Variants in BLTP3A observed in about 807,000 individuals in gnomAD.
BLTP3A encodes the protein bridge-like lipid transfer protein family member 3A, also known as ICBP90 binding protein 1.
At chr6:34,829,735 A>C in the BLTP3A span, among the ~76,000 whole-genome samples, 1 of 151,942 alleles carries the variant, frequency 6.6e-6, no homozygotes, top group African/African-American at 2.4e-5. Flanking sequence ...CCCAGGTTCA[A>C]GCGATTCTCA....
the BLTP3A span, among the ~76,000 whole-genome samples, chr6:34,866,086 G>A: frequency 1.3e-5 from 2 of 152,138 alleles, no homozygotes; most frequent in South Asian, 2.1e-4. Context: ...TTAAACTTGT[G>A]ACTGGATTTC....
At chr6:34,844,248 C>A in the BLTP3A span, among the ~76,000 whole-genome samples, 2 of 151,920 alleles carry the variant, frequency 1.3e-5, no homozygotes, top group African/African-American at 4.8e-5. Flanking sequence ...TCCCAAAGTG[C>A]TGGGATTACA....
chr6:34,804,950 G>A, the BLTP3A span, among the ~76,000 whole-genome samples: 1 of 152,036 alleles, frequency 6.6e-6, no homozygotes. Flanking sequence ...ATAAAGTGGC[G>A]ATAATAGTAA....
the BLTP3A span, chr6:34,872,241 T>C: frequency 1.3e-6 from 2 of 1,525,954 alleles, no homozygotes; most frequent in South Asian, 2.6e-5. Flanking sequence ...TCTTCCTCCC[T>C]GTTCCCTTTA....
chr6:34,867,116 G>A, the BLTP3A span: 2 of 1,204,318 alleles, frequency 1.7e-6, no homozygotes, highest in East Asian at 2.7e-5. Context: ...GTTGTCTCAT[G>A]AATGTCATAA....
At chr6:34,850,037 G>C in the BLTP3A span, among the ~76,000 whole-genome samples, 4 of 152,052 alleles carry the variant, frequency 2.6e-5, no homozygotes, top group Non-Finnish European at 5.9e-5. Flanking sequence ...CAGCTACTCA[G>C]GAGGCTGAGG....
At chr6:34,792,945 C>A in the BLTP3A span, among the ~76,000 whole-genome samples, 1 of 152,210 alleles carries the variant, frequency 6.6e-6, no homozygotes, top group Non-Finnish European at 1.5e-5. Context: ...AGGGCCGTTC[C>A]TCTGGACTTC....
the BLTP3A span, chr6:34,870,954 C>T: frequency 1.6e-5 from 26 of 1,614,048 alleles, no homozygotes; most frequent in East Asian, 4.5e-5. Context: ...TTCATTCCCC[C>T]CTGGCCTCAC....
the BLTP3A span, among the ~76,000 whole-genome samples, chr6:34,824,060 G>T: frequency 1.3e-5 from 2 of 151,374 alleles, no homozygotes; most frequent in African/African-American, 4.9e-5. Context: ...CCCCACCTCA[G>T]TCTCCCAAGT....
the BLTP3A span, among the ~76,000 whole-genome samples, chr6:34,805,230 G>A: frequency 7.9e-5 from 12 of 152,044 alleles, no homozygotes; most frequent in Admixed American, 7.9e-4. Context: ...TCAGTGAACC[G>A]TGACTGTGCC....
chr6:34,792,312 G>A, the BLTP3A span: 1 of 1,538,602 alleles, frequency 6.5e-7, no homozygotes, highest in Non-Finnish European at 8.8e-7. Context: ...CGCCAGCGCC[G>A]GCCCCCGGCG....
At chr6:34,871,090 C>T in the BLTP3A span, 1 of 1,614,012 alleles carries the variant, frequency 6.2e-7, no homozygotes, top group Non-Finnish European at 8.5e-7. Context: ...GCAGATTGAG[C>T]TTCTGAACTC....
the BLTP3A span, among the ~76,000 whole-genome samples, chr6:34,846,207 C>T: frequency 1.1e-4 from 17 of 150,230 alleles, no homozygotes; most frequent in Admixed American, 1.0e-3. Context: ...TACTGTGGCG[C>T]AATCTCAGCT....
At chr6:34,848,146 C>T in the BLTP3A span, among the ~76,000 whole-genome samples, 7 of 149,114 alleles carry the variant, frequency 4.7e-5, no homozygotes, top group Admixed American at 3.4e-4. Context: ...GTCTTGAACT[C>T]CTGGACTCAA....
chr6:34,834,425 T>C, the BLTP3A span: 2 of 1,611,380 alleles, frequency 1.2e-6, no homozygotes, highest in Non-Finnish European at 1.7e-6. Context: ...CCCATCATTG[T>C]GAAGGGAGAG....
chr6:34,794,688 T>G, the BLTP3A span, among the ~76,000 whole-genome samples: 2 of 152,296 alleles, frequency 1.3e-5, no homozygotes, highest in African/African-American at 4.8e-5. Context: ...CTTGCCTAAG[T>G]TGCATAGGAA....
the BLTP3A span, among the ~76,000 whole-genome samples, chr6:34,847,761 AT>A: frequency 5.3e-5 from 7 of 132,876 alleles, no homozygotes; most frequent in Non-Finnish European, 9.9e-5. Context: ...GATCTTTTCT[AT>A]TGTTTTTTTT....
At chr6:34,818,763 A>G in the BLTP3A span, among the ~76,000 whole-genome samples, 21 of 152,252 alleles carry the variant, frequency 1.4e-4, no homozygotes, top group African/African-American at 4.8e-4. Context: ...ATCATACGGT[A>G]TTGTTTTGCA....
At chr6:34,825,575 G>A in the BLTP3A span, among the ~76,000 whole-genome samples, 14 of 152,254 alleles carry the variant, frequency 9.2e-5, no homozygotes, top group South Asian at 2.9e-3. Flanking sequence ...CCAAAGTGTG[G>A]GGATCACAGG....
Sources: gnomAD v4.1 joint callset for allele counts (sites outside exome capture counted in the v4.1 genomes callset) on GRCh38, gnomAD v4.1.1 for gene constraint, MANE v1.5 for transcripts, NCBI Gene and HGNC (gene_info 2026-07-23, HGNC 2026-07-21) for gene names.